The following RIF1 variants were observed in gnomAD, a reference collection of about 807,000 sequenced individuals.
RIF1 encodes the protein replication timing regulatory factor 1.
In RIF1, 45 loss-of-function variants were observed where a neutral mutation model predicts 247.1. The observed-to-expected ratio is 0.18, with a 90% CI of 0.14 to 0.23. The LOEUF (loss-of-function observed/expected upper bound fraction) is 0.23. RIF1 is among the 10% of genes least tolerant of loss of function. The pLI, the probability that RIF1 is intolerant of heterozygous loss-of-function variation, is 1.00. For missense variants in RIF1, 2,967 were observed against 2,862.5 expected, an observed-to-expected ratio of 1.04 and a Z score of -0.83; for synonymous variants, 1,087 against 978.8, an observed-to-expected ratio of 1.11 and a Z score of -2.06.
chr2:151,503,400 A>G lies in RIF1; in HGVS notation c.*861+215A>G, dbSNP rs1334542380. 1 of 1,612,938 alleles carries G rather than the reference A, an allele frequency of 6.2e-7. No individual in the cohort carries two copies. Among genetic ancestry groups the G allele is most frequent in the East Asian group, 2.2e-5 (1 of 44,832 alleles). On this transcript the variant is annotated intron_variant and NMD_transcript_variant, in intron 12 of 13. Transcript: ENST00000454583. ...TGACTCTCTCAATCTCTGGAGTCAC[A>G]GTGGTTGGAATGCCTGTTCCCAAGT...
At chr2:151,472,068 C>T (rs1376625206) in intron 34 of RIF1, among the ~76,000 whole-genome samples, 2 of 152,020 alleles carry the variant, frequency 1.3e-5, no homozygotes, top group Non-Finnish European at 2.9e-5. Context: ...TGTAGTTCTC[C>T]TTGAAGAGGT....
the RIF1 span, chr2:151,531,183 G>C: frequency 2.2e-6 from 2 of 890,586 alleles, no homozygotes; most frequent in Non-Finnish European, 3.6e-6. Flanking sequence ...GTTTTTTCCT[G>C]AGTGAATATA....
rs900608894 is a variant in RIF1 at position 151,480,389 on chromosome 2, T to G, written c.*5318T>G. ...CTGAGAAGTGATGAGTTGAAGAGAA[T>G]GGAAAAGGCAGATTGAGCTGGAATT... On this transcript the variant is annotated 3_prime_UTR_variant, in exon 36 of 36. Coordinates refer to ENST00000444746, the MANE Select transcript of RIF1 (RefSeq NM_018151.5). 6.6e-6 allele frequency: 1 copy of G among 152,158 alleles called. No homozygotes were observed. Among genetic ancestry groups the G allele is most frequent in the South Asian group, 2.1e-4 (1 of 4,832 alleles). 9.4% of individuals were successfully genotyped at this position (152,158 alleles called of 1,614,324 possible). A position where few individuals can be genotyped will look rare whatever the true frequency, so the allele number is the denominator to read the frequency against.
chr2:151,433,805 A>G (rs979703039), intron 10 of RIF1, among the ~76,000 whole-genome samples: 2 of 152,092 alleles, frequency 1.3e-5, no homozygotes, highest in African/African-American at 2.4e-5. Flanking sequence ...CTCTACAAGC[A>G]TTATGATTTT....
At chr2:151,531,011 T>C in the RIF1 span, 1 of 1,612,746 alleles carries the variant, frequency 6.2e-7, no homozygotes, top group Admixed American at 1.7e-5. Flanking sequence ...ACTTCATCTT[T>C]AACCTTGCGG....
At chr2:151,506,621 C>A (rs1227459643) in intron 13 of RIF1, among the ~76,000 whole-genome samples, 1 of 152,112 alleles carries the variant, frequency 6.6e-6, no homozygotes, top group Non-Finnish European at 1.5e-5. Flanking sequence ...AAAGAAATCA[C>A]AATGTCAAAA....
At chr2:151,524,486 G>A in the RIF1 span, 2 of 1,612,934 alleles carry the variant, frequency 1.2e-6, no homozygotes, top group East Asian at 2.2e-5. Flanking sequence ...GGCTGTTGGG[G>A]ACTGGGGACA....
chr2:151,422,048 T>G (rs1573894119), intron 7 of RIF1, among the ~76,000 whole-genome samples: 1 of 151,974 alleles, frequency 6.6e-6, no homozygotes, highest in South Asian at 2.1e-4. Context: ...GCCAGGCTGG[T>G]CTCGAACTCC....
chr2:151,456,686 T>C, intron 23 of RIF1, 66 bp downstream of exon 23: 1 of 941,420 alleles, frequency 1.1e-6, no homozygotes, highest in Non-Finnish European at 1.6e-6. Context: ...TTTAGATAAT[T>C]TTCTTAAACA....
the RIF1 span, chr2:151,519,157 A>G: frequency 4.7e-6 from 4 of 855,652 alleles, no homozygotes; most frequent in African/African-American, 1.7e-5. Flanking sequence ...CCCATCGTCA[A>G]ACAAATGCTG....
rs1242056259 is a variant in RIF1, at chr2:151,462,276, G to A, written c.3262G>A (p.Val1088Ile). 1 of 1,590,148 alleles carries A rather than the reference G, an allele frequency of 6.3e-7. No individual in the cohort carries two copies. The highest frequency in any genetic ancestry group is 2.2e-5 in the East Asian group (1 of 44,532). Residue 1088 changes from valine (V) to isoleucine (I), a missense_variant, in exon 28 of 36, where the codon GTT (valine) becomes ATT (isoleucine). Transcript: ENST00000444746. ...TCCTGCCATGTATAATAATCTGGAT[G>A]TTTCCCAAGATACCTTATTTACTCA... is the stretch of plus-strand genomic sequence containing the variant. Reference protein sequence around the residue: ...DIPAMYNNLDVSQDTLFTQYS... With the variant: ...DIPAMYNNLDISQDTLFTQYS...
rs1010551990 is a variant in RIF1 at position 151,411,157 on chromosome 2, A to G, written c.105-103A>G. The G allele has an allele frequency of 5.5e-6, 4 of 722,796 alleles. No homozygotes were observed. The East Asian group carries it at 1.0e-4, about 18-fold the overall frequency. 44.8% of individuals were successfully genotyped at this position (722,796 alleles called of 1,614,324 possible). ...TTACCTACTGGGTCAATTCATTTGC[A>G]GGAGTTAGAAAGTAATTTTTAAAAA... On this transcript the variant is annotated intron_variant, in intron 2 of 35. Transcript: ENST00000444746.
At chr2:151,453,602 A>T (rs1364310119) in intron 21 of RIF1, among the ~76,000 whole-genome samples, 3 of 145,026 alleles carry the variant, frequency 2.1e-5, no homozygotes, top group Non-Finnish European at 4.6e-5. Flanking sequence ...AAAAAAAAAA[A>T]GGCAATTTTA....
chr2:151,444,436 A>G (rs1286125513), intron 18 of RIF1, among the ~76,000 whole-genome samples: 3 of 152,078 alleles, frequency 2.0e-5, no homozygotes, highest in African/African-American at 7.2e-5. Context: ...CAGCCTCCCA[A>G]ATGGCTGGGA....
chr2:151,519,159 C>T, the RIF1 span: 1 of 843,382 alleles, frequency 1.2e-6, no homozygotes, highest in Non-Finnish European at 2.0e-6. Flanking sequence ...CATCGTCAAA[C>T]AAATGCTGGA....
At chr2:151,460,466 T>C (rs1258374282) in intron 26 of RIF1, among the ~76,000 whole-genome samples, 1 of 152,196 alleles carries the variant, frequency 6.6e-6, no homozygotes, top group East Asian at 1.9e-4. Context: ...AGGATTATTG[T>C]TATTTTAGAA....
At chr2:151,414,956 A>G (rs1573847757) in intron 4 of RIF1, 37 bp downstream of exon 4, 1 of 1,312,484 alleles carries the variant, frequency 7.6e-7, no homozygotes, top group East Asian at 2.4e-5. Flanking sequence ...TTTTTAGAGT[A>G]TAAAGTATAA....
chr2:151,442,449 G>A (rs1385603500), intron 16 of RIF1, among the ~76,000 whole-genome samples: 1 of 150,120 alleles, frequency 6.7e-6, no homozygotes, highest in African/African-American at 2.5e-5. Context: ...TGGATTTGAA[G>A]TATATTGACC....
Position 151,433,148 on chromosome 2 carries a change from A to G in RIF1, c.997A>G (p.Thr333Ala). ...PLSSIHVRTE[T>A]LALTKLEVWW... ...GAGTTCCATCCATGTGAGAACAGAA[A>G]CTCTAGCATTAACAAAACTAGAAGT... The change falls in exon 10 of 36, where the codon ACT becomes GCT. Residue 333 changes from threonine to alanine, a missense_variant. Around this residue, in one of 7 missense-constraint regions of RIF1, gnomAD observed 71 missense variants for 132.9 expected, o/e 0.53. Coordinates refer to ENST00000444746, the MANE Select transcript of RIF1 (RefSeq NM_018151.5). The G allele has an allele frequency of 6.2e-7, 1 of 1,612,956 alleles. No individual in the cohort carries two copies.
Sources: allele counts gnomAD v4.1 joint callset (sites outside exome capture counted in the v4.1 genomes callset), GRCh38; gene constraint gnomAD v4.1.1; regional missense constraint gnomAD v4.1.1; transcripts MANE v1.5; gene names NCBI Gene and HGNC (gene_info 2026-07-23, HGNC 2026-07-21).